The following MORC2 variants were observed in gnomAD, a reference collection of about 807,000 sequenced individuals.
MORC2 encodes the protein MORC family CW-type zinc finger 2.
MORC2 carries 30 observed loss-of-function variants against 136.0 expected under a neutral mutation model. That is an observed-to-expected ratio of 0.22 (90% confidence interval 0.17 to 0.30). The LOEUF (loss-of-function observed/expected upper bound fraction) is 0.30, where lower values mean the gene tolerates loss of function less well. Ranked by LOEUF, MORC2 falls within the 10% of genes least tolerant of loss-of-function variation. The pLI, the probability that MORC2 is intolerant of heterozygous loss-of-function variation, is 1.00. For synonymous variants in MORC2, 439 were observed against 487.0 expected (o/e 0.90, Z 1.30); for missense variants, 922 against 1,333.1 (o/e 0.69, Z 4.80).
At position 30,932,710 on chromosome 22, in the gene MORC2, C is replaced by T; in HGVS notation, c.2582G>A (p.Ser861Asn). ...CCCGCCCTCCTGTTGTGTATCAAGG[C>T]TCTGATGTTCCGGAGAAGGGGGTTT... is the stretch of plus-strand genomic sequence containing the variant. ...LMKPPSPEHQ[S>N]LDTQQEGGEE... is the part of the protein sequence containing the mutation. The change falls in exon 23 of 26, where the codon AGC becomes AAC. Residue 861 changes from serine (S) to asparagine (N), a missense_variant. Coordinates refer to ENST00000397641, the MANE Select transcript of MORC2 (RefSeq NM_001303256.3). The surrounding 1 kb of genome is among the most constrained non-coding windows in gnomAD (Gnocchi z 4.4). 2 of 1,614,180 alleles carry T rather than the reference C, an allele frequency of 1.2e-6. No homozygotes were observed. Among genetic ancestry groups the T allele is most frequent in the South Asian group, 2.2e-5 (2 of 91,090 alleles).
intron 16 of MORC2, 101 bp from the exon 17 acceptor site, chr22:30,936,744 C>A: frequency 6.8e-7 from 1 of 1,477,346 alleles, no homozygotes; most frequent in Non-Finnish European, 9.2e-7. Context: ...ACAAGAGCAA[C>A]CACCTCAGAG....
At chr22:30,943,732 T>G (rs572375053) in intron 6 of MORC2, among the ~76,000 whole-genome samples, 1 of 152,150 alleles carries the variant, frequency 6.6e-6, no homozygotes, top group Non-Finnish European at 1.5e-5. Flanking sequence ...TTTTGCTGGG[T>G]TTTTTTATTT....
chr22:30,933,924 TG>T lies in MORC2; in HGVS notation c.2325+135del, dbSNP rs534128281. ...AAACAGAGTTGGTGCAGACTGCTGG[TG>T]GGGGGGGTAGACTGCTGGTGGGTTG... On this transcript the variant is annotated intron_variant, in intron 20 of 25. Coordinates refer to ENST00000397641, the MANE Select transcript of MORC2 (RefSeq NM_001303256.3). 2.0e-3 allele frequency: 1,933 copies of T among 976,492 alleles called. 21 individuals are homozygous for T. In the African/African-American group the frequency reaches 0.024, roughly 12 times the overall value. The allele number at this position is 976,492 out of a possible 1,614,324, so 60.5% of individuals were successfully genotyped here. A position where few individuals can be genotyped will look rare whatever the true frequency, so the allele number is the denominator to read the frequency against.
chr22:30,955,272 T>G (rs527661444), intron 3 of MORC2, among the ~76,000 whole-genome samples: 1 of 152,120 alleles, frequency 6.6e-6, no homozygotes, highest in Non-Finnish European at 1.5e-5. Context: ...CCTGAGCATT[T>G]AGTAATCATC....
intron 1 of MORC2, 52 bp downstream of exon 1, chr22:30,967,770 A>G (rs2041151285): frequency 2.6e-6 from 4 of 1,548,564 alleles, no homozygotes; most frequent in South Asian, 1.2e-5. Context: ...TTTCCATATA[A>G]TATCAAGGAA....
At chr22:30,959,514 T>C (rs1271858614) in intron 1 of MORC2, among the ~76,000 whole-genome samples, 1 of 152,256 alleles carries the variant, frequency 6.6e-6, no homozygotes, top group Non-Finnish European at 1.5e-5. Flanking sequence ...CGCACAAGTA[T>C]TGGTAAAACA....
In MORC2 at chr22:30,933,925, G is replaced by T. The variant is rs531186676; in HGVS notation, c.2325+135C>A. 81 of 957,832 alleles carry T rather than the reference G, an allele frequency of 8.5e-5. No homozygotes were observed. In the East Asian group the frequency reaches 1.3e-3, roughly 15 times the overall value. The allele number at this position is 957,832 out of a possible 1,614,324, so 59.3% of individuals were successfully genotyped here. A position where few individuals can be genotyped will look rare whatever the true frequency, so the allele number is the denominator to read the frequency against. ...AACAGAGTTGGTGCAGACTGCTGGT[G>T]GGGGGGGTAGACTGCTGGTGGGTTG... is the stretch of plus-strand genomic sequence containing the variant. On this transcript the variant is annotated intron_variant, in intron 20 of 25. Coordinates refer to ENST00000397641, the MANE Select transcript of MORC2 (RefSeq NM_001303256.3).
At chr22:30,929,710 G>A (rs1196538699) in intron 24 of MORC2, among the ~76,000 whole-genome samples, 6 of 152,056 alleles carry the variant, frequency 3.9e-5, no homozygotes, top group African/African-American at 4.8e-5. Flanking sequence ...GCAGTGAGCC[G>A]AGATTGCGCC....
At chr22:30,957,647 A>AG (rs1162973173) in intron 2 of MORC2, among the ~76,000 whole-genome samples, 1 of 152,234 alleles carries the variant, frequency 6.6e-6, no homozygotes, top group African/African-American at 2.4e-5. Flanking sequence ...ACCGCACATC[A>AG]TGGTCTCACT....
At chr22:30,928,817 A>G (rs2040530057) in intron 24 of MORC2, among the ~76,000 whole-genome samples, 1 of 152,262 alleles carries the variant, frequency 6.6e-6, no homozygotes, top group African/African-American at 2.4e-5. Context: ...CTTGTTTCAA[A>G]TGAAATGTCA....
chr22:30,950,934 T>C (rs1309624799), intron 3 of MORC2, among the ~76,000 whole-genome samples: 1 of 152,180 alleles, frequency 6.6e-6, no homozygotes, highest in Non-Finnish European at 1.5e-5. Flanking sequence ...AGACATGGTA[T>C]GGGCACAGCA....
intron 1 of MORC2, among the ~76,000 whole-genome samples, chr22:30,959,608 T>C (rs1272794997): frequency 1.3e-5 from 2 of 152,150 alleles, no homozygotes; most frequent in Non-Finnish European, 2.9e-5. Flanking sequence ...TCATGAGATA[T>C]CAAATTAGGA....
At chr22:30,928,301 C>T in intron 24 of MORC2, 94 bp from the exon 25 acceptor site, 1 of 1,227,008 alleles carries the variant, frequency 8.1e-7, no homozygotes, top group African/African-American at 1.5e-5. Context: ...CCCGCTTTAC[C>T]CAAGGATGCC....
chr22:30,937,030 A>G lies in MORC2; in HGVS notation c.1506T>C (p.Cys502=). The part of the protein sequence containing the change: ...EIPTTIQCDL[C]LKWRTLPFQL... Reference sequence around the variant, plus strand: ...GGAAGGGGAGGGTTCTCCATTTCAGACACAAATCTGCAGAGAGCAAAAAAA... The same window carrying G: ...GGAAGGGGAGGGTTCTCCATTTCAGGCACAAATCTGCAGAGAGCAAAAAAA... The change falls in exon 16 of 26, where the codon TGT becomes TGC. Residue 502 remains cysteine (C), a synonymous_variant. Transcript: ENST00000397641. The surrounding 1 kb of genome is among the most constrained non-coding windows in gnomAD (Gnocchi z 4.7). The G allele has an allele frequency of 5.0e-6, 8 of 1,613,240 alleles. No individual in the cohort carries two copies. The highest frequency in any genetic ancestry group is 6.8e-6 in the Non-Finnish European group (8 of 1,179,266).
intron 6 of MORC2, among the ~76,000 whole-genome samples, chr22:30,943,799 G>A (rs374708481): frequency 3.9e-5 from 6 of 152,156 alleles, no homozygotes; most frequent in East Asian, 1.9e-4. Flanking sequence ...GCGATGGCAT[G>A]ATCTCAGCTC....
chr22:30,950,382 T>C lies in MORC2; in HGVS notation c.221A>G (p.Asp74Gly), dbSNP rs1555942389. 6.7e-7 allele frequency: 1 copy of C among 1,496,772 alleles called. No homozygotes were observed. 92.7% of individuals were successfully genotyped at this position (1,496,772 alleles called of 1,614,324 possible). ...LCFLDDGAGM[D>G]PSDAASVIQF... ...ACAATAATCTCATCACTTACTTGGA[T>C]CCATTCCTGCTCCATCATCCAAAAA... The change falls in exon 4 of 26, where the codon GAT (aspartate) becomes GGT (glycine). Residue 74 changes from aspartate to glycine, a missense_variant. Around this residue, in one of 9 missense-constraint regions of MORC2, gnomAD observed 57 missense variants for 71.8 expected, o/e 0.79. Transcript: ENST00000397641.
chr22:30,967,835 G>A lies in MORC2; in HGVS notation c.55C>T (p.Leu19=), dbSNP rs1482341412. ...GAGGATACTTACGAATTTGTGTGCA[G>A]ATATTCAAAGGTTAGCTGAGCTCGA... The part of the protein sequence containing the change: ...LNRAQLTFEY[L]HTNSTTHEFL... Residue 19 remains leucine (L), a synonymous_variant, in exon 1 of 26, where the codon CTG becomes TTG. Transcript: ENST00000397641. 5 of 1,551,016 alleles carry A rather than the reference G, an allele frequency of 3.2e-6. No homozygotes were observed. The highest frequency in any genetic ancestry group is 4.4e-6 in the Non-Finnish European group (5 of 1,147,098).
At chr22:30,967,759 A>G (rs2041150897) in intron 1 of MORC2, 63 bp downstream of exon 1, 3 of 1,545,054 alleles carry the variant, frequency 1.9e-6, no homozygotes, top group East Asian at 4.9e-5. Context: ...TGGGGAAACG[A>G]TTTCCATATA....
rs76273991 is a variant in MORC2 at position 30,941,963 on chromosome 22, T to C, written c.626A>G (p.Asn209Ser). The stretch of plus-strand genomic sequence containing the variant: ...GATTATGTCTAGTTCTGGCTCTCCA[T>C]TATCCATGAGTTTGAGATTGAAGAT... ...VIIFNLKLMD[N>S]GEPELDIISN... The change falls in exon 8 of 26, where the codon AAT (asparagine) becomes AGT (serine). Residue 209 changes from asparagine to serine, a missense_variant. Physicochemically the swap from Asn to Ser is conservative, Grantham distance 46. Coordinates refer to ENST00000397641, the MANE Select transcript of MORC2 (RefSeq NM_001303256.3). The surrounding 1 kb of genome is among the most constrained non-coding windows in gnomAD (Gnocchi z 4.6). 1.0e-3 allele frequency: 1,644 copies of C among 1,613,998 alleles called. 43 individuals are homozygous for C. In the East Asian group the frequency reaches 0.035, roughly 34 times the overall value.
Sources: allele counts gnomAD v4.1 joint callset (sites outside exome capture counted in the v4.1 genomes callset), GRCh38; gene constraint gnomAD v4.1.1; regional missense constraint gnomAD v4.1.1; non-coding constraint Gnocchi (gnomAD v3.1); transcripts MANE v1.5; gene names NCBI Gene and HGNC (gene_info 2026-07-23, HGNC 2026-07-21).